The following ITGB8 variants were observed in gnomAD, a reference collection of about 807,000 sequenced individuals.
The protein encoded by ITGB8 is integrin subunit beta 8, also known as integrin beta-8.
ITGB8 carries 30 observed loss-of-function variants against 89.5 expected under a neutral mutation model. That is an observed-to-expected ratio of 0.34 (90% CI 0.25 to 0.45). The LOEUF is 0.45. Among genes scored for constraint, ITGB8 ranks in the 20% least tolerant of loss-of-function variants. The pLI, the probability that ITGB8 is intolerant of heterozygous loss-of-function variation, is 1.00. For synonymous variants in ITGB8, 335 were observed against 320.4 expected, an observed-to-expected ratio of 1.05 and a Z score of -0.49; for missense variants, 836 against 933.3, an observed-to-expected ratio of 0.90 and a Z score of 1.36.
rs376330407 is a variant in ITGB8, at chr7:20,386,257, G to C, written c.960+4372G>C. ...ACTATGAGAACATTTTTTTTTTTTT[G>C]AGACGGAATCTCACTGTGTCGCCCA... On this transcript the variant is annotated intron_variant, in intron 6 of 13. Coordinates refer to ENST00000222573, the MANE Select transcript of ITGB8 (RefSeq NM_002214.3). Among the ~76,000 whole-genome samples, 146 of 59,650 alleles carry C rather than the reference G, an allele frequency of 2.4e-3. 3 individuals are homozygous for C. In the South Asian group the frequency reaches 0.059, roughly 24 times the overall value. The allele number at this position is 59,650 out of a possible 152,430, so 39.1% of individuals were successfully genotyped here.
intron 1 of ITGB8, among the ~76,000 whole-genome samples, chr7:20,347,856 T>C (rs2128130250): frequency 6.6e-6 from 1 of 152,252 alleles, no homozygotes; most frequent in African/African-American, 2.4e-5. Context: ...AATGTGAAAA[T>C]AGCCAAAGAC....
intron 1 of ITGB8, among the ~76,000 whole-genome samples, chr7:20,348,225 A>C (rs1007972588): frequency 1.3e-5 from 2 of 152,250 alleles, no homozygotes; most frequent in African/African-American, 4.8e-5. Flanking sequence ...CATATGATGG[A>C]AAGTCAACAA....
At chr7:20,397,444 T>A (rs1371620873) in intron 8 of ITGB8, among the ~76,000 whole-genome samples, 1 of 152,222 alleles carries the variant, frequency 6.6e-6, no homozygotes, top group Non-Finnish European at 1.5e-5. Context: ...CACGCTGGTC[T>A]GGAACTGCTG....
intron 10 of ITGB8, 104 bp from the exon 11 acceptor site, chr7:20,404,524 C>A: frequency 9.0e-6 from 8 of 884,372 alleles, no homozygotes; most frequent in Middle Eastern, 2.7e-4. Flanking sequence ...ATTCATTGGA[C>A]TGTCAGTGCG....
rs778398583 is a variant in ITGB8, at chr7:20,410,029, G to A, written c.*32G>A. ...ATTTTTAAACACTTAATGGGAAACT[G>A]GAATTGTTAATAATTGCTCCTAAAG... On this transcript the variant is annotated 3_prime_UTR_variant, in exon 14 of 14. Transcript: ENST00000222573. The A allele has an allele frequency of 1.9e-6, 3 of 1,589,636 alleles. No individual in the cohort carries two copies. The highest frequency in any genetic ancestry group is 1.8e-5 in the Admixed American group (1 of 56,190).
intron 4 of ITGB8, 126 bp from the exon 5 acceptor site, chr7:20,380,540 G>T: frequency 1.4e-6 from 1 of 720,700 alleles, no homozygotes; most frequent in African/African-American, 1.8e-5. Flanking sequence ...GATTTTCGTC[G>T]TATAAAGTTT....
chr7:20,361,111 T>C (rs1785486439), intron 1 of ITGB8, among the ~76,000 whole-genome samples: 1 of 152,120 alleles, frequency 6.6e-6, no homozygotes, highest in African/African-American at 2.4e-5. Flanking sequence ...TCGGTGATGT[T>C]GAGCTTTTTT....
intron 1 of ITGB8, among the ~76,000 whole-genome samples, chr7:20,362,762 G>C (rs1003152268): frequency 1.3e-5 from 2 of 152,134 alleles, no homozygotes; most frequent in Non-Finnish European, 2.9e-5. Context: ...GGAAGTCTGA[G>C]ATTGTTCTAC....
In ITGB8 at chr7:20,379,256, A is replaced by G; in HGVS notation, c.594A>G (p.Pro198=). ...FGSYVDKTVS[P]YISIHPERIH... is the part of the protein sequence containing the mutation. ...CATACGTTGATAAAACAGTTTCACC[A>G]TACATTAGCATCCACCCCGAAAGGA... is the stretch of plus-strand genomic sequence containing the variant. Residue 198 remains proline (P), a synonymous_variant, in exon 4 of 14, where the codon CCA becomes CCG. Transcript: ENST00000222573. 6.2e-7 allele frequency: 1 copy of G among 1,609,166 alleles called. No homozygotes were observed. The highest frequency in any genetic ancestry group is 8.5e-7 in the Non-Finnish European group (1 of 1,177,086).
intron 1 of ITGB8, among the ~76,000 whole-genome samples, chr7:20,358,590 A>T (rs138632542): frequency 0.023 from 3,568 of 152,230 alleles, 56 homozygotes; most frequent in Non-Finnish European, 0.036. Context: ...TTTAGTAGAG[A>T]CAGGGTTTCA....
chr7:20,386,654 T>G (rs1385774473), intron 6 of ITGB8, among the ~76,000 whole-genome samples: 5 of 151,994 alleles, frequency 3.3e-5, no homozygotes, highest in Non-Finnish European at 7.4e-5. Context: ...GCAAACAATA[T>G]TTAGTAGGAA....
At chr7:20,363,011 T>G (rs1785562581) in intron 1 of ITGB8, among the ~76,000 whole-genome samples, 1 of 152,310 alleles carries the variant, frequency 6.6e-6, no homozygotes, top group African/African-American at 2.4e-5. Context: ...TTAAATTAAC[T>G]AAAACAACTC....
chr7:20,334,056 A>G (rs1784498683), intron 1 of ITGB8, among the ~76,000 whole-genome samples: 1 of 152,198 alleles, frequency 6.6e-6, no homozygotes, highest in Admixed American at 6.5e-5. Context: ...GAAGCTGCAT[A>G]AGACCAGCAT....
intron 1 of ITGB8, among the ~76,000 whole-genome samples, chr7:20,350,009 C>G (rs1226568783): frequency 1.3e-5 from 2 of 152,200 alleles, no homozygotes; most frequent in Admixed American, 1.3e-4. Flanking sequence ...GCTCATGCCT[C>G]TTTGCTGACA....
chr7:20,385,982 C>T (rs903816228), intron 6 of ITGB8, among the ~76,000 whole-genome samples: 1 of 152,088 alleles, frequency 6.6e-6, no homozygotes, highest in African/African-American at 2.4e-5. Context: ...TGCTGTTTCC[C>T]GACAGAGACG....
At chr7:20,370,654 A>T (rs1426577341) in intron 3 of ITGB8, among the ~76,000 whole-genome samples, 1 of 151,338 alleles carries the variant, frequency 6.6e-6, no homozygotes, top group Non-Finnish European at 1.5e-5. Context: ...TCTGTCACCC[A>T]GGCTGGAATA....
intron 1 of ITGB8, among the ~76,000 whole-genome samples, chr7:20,347,301 A>T (rs1784959933): frequency 6.6e-6 from 1 of 152,112 alleles, no homozygotes; most frequent in African/African-American, 2.4e-5. Flanking sequence ...TTTTGACTTG[A>T]TTGTTTAGTA....
At chr7:20,348,798 C>G (rs1785014293) in intron 1 of ITGB8, among the ~76,000 whole-genome samples, 1 of 152,136 alleles carries the variant, frequency 6.6e-6, no homozygotes, top group Non-Finnish European at 1.5e-5. Context: ...TGGGGAGAAT[C>G]TCATAAGTAG....
chr7:20,339,633 T>A (rs867540313), intron 1 of ITGB8, among the ~76,000 whole-genome samples: 24 of 152,220 alleles, frequency 1.6e-4, no homozygotes, highest in African/African-American at 5.8e-4. Flanking sequence ...ATAAGATTAT[T>A]AACTTAAAAT....
Sources: gnomAD v4.1 joint callset for allele counts (sites outside exome capture counted in the v4.1 genomes callset) on GRCh38, gnomAD v4.1.1 for gene constraint, MANE v1.5 for transcripts, NCBI Gene and HGNC (gene_info 2026-07-23, HGNC 2026-07-21) for gene names.